Variants in TRAPPC9 observed in about 807,000 individuals in gnomAD.
TRAPPC9 encodes the protein IKK2 binding protein.
Under a neutral mutation model 124.0 loss-of-function variants are expected in TRAPPC9, and 83 were observed. That is an observed-to-expected ratio of 0.67 (90% CI 0.56 to 0.80). The LOEUF (loss-of-function observed/expected upper bound fraction) is 0.80, where lower values mean the gene tolerates loss of function less well. Ranked by LOEUF, TRAPPC9 falls within the 30% of genes least tolerant of loss-of-function variation. The probability of loss-of-function intolerance (pLI) is 0.00; values close to 1 mark genes in which losing one functional copy is unlikely to be tolerated. For missense variants in TRAPPC9, 1,302 were observed against 1,508.3 expected, an observed-to-expected ratio of 0.86 and a Z score of 2.27; for synonymous variants, 638 against 617.5, an observed-to-expected ratio of 1.03 and a Z score of -0.49.
intron 19 of TRAPPC9, among the ~76,000 whole-genome samples, chr8:139,927,845 T>C (rs1247678036): frequency 1.3e-5 from 2 of 152,198 alleles, no homozygotes; most frequent in Admixed American, 1.3e-4. Flanking sequence ...GAGTGAGTGA[T>C]GTCAGACAAA....
At chr8:140,291,317 G>A in intron 11 of TRAPPC9, 1 of 578,896 alleles carries the variant, frequency 1.7e-6, no homozygotes, top group South Asian at 1.9e-5. Flanking sequence ...GCCTTCGGCG[G>A]GCTGCATTCA....
chr8:139,749,545 A>G (rs1819175539), intron 21 of TRAPPC9, among the ~76,000 whole-genome samples: 1 of 152,210 alleles, frequency 6.6e-6, no homozygotes, highest in Admixed American at 6.5e-5. Context: ...GTCATGAAGC[A>G]TGCCGGGAAC....
chr8:139,859,201 T>C (rs770478252), intron 21 of TRAPPC9, among the ~76,000 whole-genome samples: 15 of 152,044 alleles, frequency 9.9e-5, no homozygotes, highest in Non-Finnish European at 2.1e-4. Context: ...CTGCGTCTGA[T>C]GCCACGTGCC....
At chr8:139,794,837 T>C (rs57638662) in intron 21 of TRAPPC9, among the ~76,000 whole-genome samples, 38,610 of 152,176 alleles carry the variant, frequency 0.25, 7,136 homozygotes, top group African/African-American at 0.5. Context: ...TCTGCACAAG[T>C]AGCAGTGGAT....
intron 20 of TRAPPC9, among the ~76,000 whole-genome samples, chr8:139,886,758 G>A (rs192719640): frequency 4.7e-4 from 71 of 152,170 alleles, no homozygotes; most frequent in Non-Finnish European, 8.5e-4. Flanking sequence ...AGCACACCAT[G>A]CACAGCAGGT....
At chr8:139,833,779 G>C (rs1826146124) in intron 21 of TRAPPC9, among the ~76,000 whole-genome samples, 1 of 152,220 alleles carries the variant, frequency 6.6e-6, no homozygotes, top group Admixed American at 6.5e-5. Context: ...CCCGTCATTG[G>C]ACTGACTGAT....
In TRAPPC9 at chr8:140,241,582, C is replaced by T. The variant is rs913451542; in HGVS notation, c.2431+11195G>A. On this transcript the variant is annotated intron_variant, in intron 16 of 22. Transcript: ENST00000438773. This position sits in a 1 kb window ranked among gnomAD's most constrained non-coding sequence, Gnocchi z 5.0. Reference sequence around the variant, plus strand: ...TGGTGGTGTGCGCCTGTAGTCCCAGCTATTCGGAAGGCTGAGACAGGAGAA... The same window carrying T: ...TGGTGGTGTGCGCCTGTAGTCCCAGTTATTCGGAAGGCTGAGACAGGAGAA... Among the ~76,000 whole-genome samples the T allele has an allele frequency of 6.6e-6, 1 of 151,982 alleles. No individual in the cohort carries two copies. The highest frequency in any genetic ancestry group is 1.5e-5 in the Non-Finnish European group (1 of 68,010).
chr8:140,338,497 C>T (rs547722587), intron 9 of TRAPPC9, among the ~76,000 whole-genome samples: 66 of 152,158 alleles, frequency 4.3e-4, no homozygotes, highest in Non-Finnish European at 7.9e-4. Context: ...GTCCCCTCCC[C>T]GCAAAATTCG....
intron 17 of TRAPPC9, among the ~76,000 whole-genome samples, chr8:140,123,586 GTTC>G (rs2061027792): frequency 6.6e-6 from 1 of 152,148 alleles, no homozygotes; most frequent in African/African-American, 2.4e-5. Flanking sequence ...GCACAGCTGG[GTTC>G]TTCTCACCCC....
At chr8:139,899,629 C>T (rs1033348655) in intron 20 of TRAPPC9, among the ~76,000 whole-genome samples, 16 of 152,270 alleles carry the variant, frequency 1.1e-4, no homozygotes, top group African/African-American at 3.6e-4. Flanking sequence ...ACCGGATACT[C>T]CCCATAATTA....
At chr8:140,048,743 G>A (rs987010689) in intron 17 of TRAPPC9, among the ~76,000 whole-genome samples, 1 of 152,138 alleles carries the variant, frequency 6.6e-6, no homozygotes, top group Non-Finnish European at 1.5e-5. Context: ...GGAGGTGCGG[G>A]GTCCAGCGTG....
At chr8:140,193,161 C>T (rs999338453) in intron 17 of TRAPPC9, among the ~76,000 whole-genome samples, 3 of 152,238 alleles carry the variant, frequency 2.0e-5, no homozygotes, top group Non-Finnish European at 4.4e-5. Flanking sequence ...TACCTTCATT[C>T]CAGAGTTGCT....
At chr8:140,381,244 A>G (rs1453883655) in intron 7 of TRAPPC9, among the ~76,000 whole-genome samples, 1 of 152,018 alleles carries the variant, frequency 6.6e-6, no homozygotes, top group Non-Finnish European at 1.5e-5. Context: ...AAAAGAAAGA[A>G]AGTGAAATGA....
intron 18 of TRAPPC9, among the ~76,000 whole-genome samples, chr8:140,010,626 T>C (rs1393777142): frequency 6.6e-6 from 1 of 152,204 alleles, no homozygotes; most frequent in African/African-American, 2.4e-5. Flanking sequence ...ATTAAAATTA[T>C]ACACAGTGAG....
intron 19 of TRAPPC9, among the ~76,000 whole-genome samples, chr8:139,975,980 C>A (rs4500063): frequency 0.091 from 13,422 of 148,272 alleles, 1,052 homozygotes; most frequent in African/African-American, 0.21. Context: ...GGCTTCACCC[C>A]CCCGGGGTTC....
At chr8:140,062,998 G>T (rs985244207) in intron 17 of TRAPPC9, among the ~76,000 whole-genome samples, 1 of 152,074 alleles carries the variant, frequency 6.6e-6, no homozygotes, top group Non-Finnish European at 1.5e-5. Flanking sequence ...ACTTACAATC[G>T]TGGCAGAAGG....
rs952732584 is a variant in TRAPPC9 at position 140,241,926 on chromosome 8, C to T, written c.2431+10851G>A. 7.9e-5 allele frequency among the ~76,000 whole-genome samples: 12 copies of T among 152,010 alleles called. No homozygotes were observed. The East Asian group carries it at 1.4e-3, about 17-fold the overall frequency. ...GAAAGGAGAGAGCACACGGCAGCTA[C>T]GTGGGAGACTCAGGGAAGGATGAGC... On this transcript the variant is annotated intron_variant, in intron 16 of 22. Transcript: ENST00000438773. The surrounding 1 kb of genome is among the most constrained non-coding windows in gnomAD (Gnocchi z 5.0).
intron 19 of TRAPPC9, among the ~76,000 whole-genome samples, chr8:139,956,569 C>G (rs999034171): frequency 6.6e-6 from 1 of 152,206 alleles, no homozygotes; most frequent in Non-Finnish European, 1.5e-5. Context: ...CACGGTGTCT[C>G]GTACATGGCA....
chr8:140,407,276 T>A (rs58836960), intron 5 of TRAPPC9, among the ~76,000 whole-genome samples: 2,141 of 152,338 alleles, frequency 0.014, 49 homozygotes, highest in African/African-American at 0.038. Context: ...TAGTGCTTTG[T>A]GTGCTTTTCA....
Sources: allele counts gnomAD v4.1 joint callset (sites outside exome capture counted in the v4.1 genomes callset), GRCh38; gene constraint gnomAD v4.1.1; non-coding constraint Gnocchi (gnomAD v3.1); transcripts MANE v1.5; gene names NCBI Gene and HGNC (gene_info 2026-07-23, HGNC 2026-07-21).